Variants in ABLIM1 observed in about 807,000 individuals in gnomAD.
ABLIM1 encodes the protein actin-binding LIM protein 1.
ABLIM1 carries 40 observed loss-of-function variants against 107.0 expected under a neutral mutation model. That is an observed-to-expected ratio of 0.37 (90% CI 0.29 to 0.49). The LOEUF (loss-of-function observed/expected upper bound fraction) is 0.49. Ranked by LOEUF, ABLIM1 falls within the 20% of genes least tolerant of loss-of-function variation. The pLI, the probability that ABLIM1 is intolerant of heterozygous loss-of-function variation, is 0.97. For synonymous variants in ABLIM1, 357 were observed against 357.3 expected, an observed-to-expected ratio of 1.00 and a Z score of 0.01; for missense variants, 857 against 1,008.5, an observed-to-expected ratio of 0.85 and a Z score of 2.04.
intron 1 of ABLIM1, among the ~76,000 whole-genome samples, chr10:114,738,511 C>T (rs934667426): frequency 1.3e-5 from 2 of 152,192 alleles, no homozygotes; most frequent in Non-Finnish European, 2.9e-5. Context: ...GCACTTTATA[C>T]TCTCTAGTCA....
At chr10:114,563,576 T>C (rs1206522937) in intron 4 of ABLIM1, among the ~76,000 whole-genome samples, 1 of 152,096 alleles carries the variant, frequency 6.6e-6, no homozygotes, top group Non-Finnish European at 1.5e-5. Flanking sequence ...GGCTAATGCC[T>C]GTAATCCCAG....
rs138278963 is a variant in ABLIM1, at chr10:114,710,019, T to TAC, written c.-213+58040_-213+58041dup. 8.3e-3 allele frequency among the ~76,000 whole-genome samples: 1,270 copies of TAC among 152,296 alleles called. 12 individuals carry two copies. The highest frequency in any genetic ancestry group is 0.022 in the African/African-American group (895 of 41,562). On this transcript the variant is annotated intron_variant, in intron 1 of 15. Coordinates refer to the ABLIM1 transcript ENST00000651092. Reference sequence around the variant, plus strand: ...CACTCCCACCATGTGCACACATGTGTACACACACATATTTACTTGGGCAAG... The same window carrying TAC: ...CACTCCCACCATGTGCACACATGTGTACACACACACATATTTACTTGGGCAAG...
chr10:114,698,878 A>G (rs561059495), intron 1 of ABLIM1, among the ~76,000 whole-genome samples: 1 of 152,318 alleles, frequency 6.6e-6, no homozygotes, highest in Admixed American at 6.5e-5. Context: ...ATTCCCAAAA[A>G]GAAAACTGCA....
intron 2 of ABLIM1, among the ~76,000 whole-genome samples, chr10:114,599,850 C>T (rs1018158533): frequency 6.6e-5 from 10 of 151,672 alleles, no homozygotes; most frequent in Admixed American, 5.9e-4. Flanking sequence ...TATGTGGCTG[C>T]AGTCATTTAT....
chr10:114,500,475 T>A (rs2060240316), intron 6 of ABLIM1, among the ~76,000 whole-genome samples: 1 of 151,266 alleles, frequency 6.6e-6, no homozygotes, highest in African/African-American at 2.4e-5. Flanking sequence ...AGCCCAGGAG[T>A]TTGAGACCAG....
intron 1 of ABLIM1, among the ~76,000 whole-genome samples, chr10:114,766,000 A>C: frequency 6.6e-6 from 1 of 152,200 alleles, no homozygotes; most frequent in East Asian, 1.9e-4. Context: ...TGTGATGTCT[A>C]TTACAATATT....
At chr10:114,563,280 T>C (rs2070063597) in intron 4 of ABLIM1, among the ~76,000 whole-genome samples, 2 of 152,214 alleles carry the variant, frequency 1.3e-5, no homozygotes, top group African/African-American at 4.8e-5. Flanking sequence ...CAATGAATAC[T>C]TAAAATGAGA....
chr10:114,740,720 C>T (rs527923585), intron 1 of ABLIM1, among the ~76,000 whole-genome samples: 2 of 152,126 alleles, frequency 1.3e-5, no homozygotes, highest in African/African-American at 4.8e-5. Flanking sequence ...GCAACTTGGA[C>T]AGAGCCTATA....
rs753389902 is a variant in ABLIM1 at position 114,437,851 on chromosome 10, C to T, written c.2216G>A (p.Arg739Lys). 1.2e-6 allele frequency: 2 copies of T among 1,613,910 alleles called. No homozygotes were observed. Among genetic ancestry groups the T allele is most frequent in the Admixed American group, 1.7e-5 (1 of 60,002 alleles). ...TTTTCGGTTTTGTTTTACCTCCAGC[C>T]TGGTTCTGTCCACCTCTCTGAGGAT... is the stretch of plus-strand genomic sequence containing the variant. ...NKILREVDRT[R>K]LERHLAPEVF... The change falls in exon 22 of 23, where the codon AGG becomes AAG. Residue 739 changes from arginine to lysine, a missense_variant. Transcript: ENST00000533213.
At chr10:114,486,021 C>T (rs985229098) in intron 8 of ABLIM1, among the ~76,000 whole-genome samples, 1 of 152,186 alleles carries the variant, frequency 6.6e-6, no homozygotes, top group African/African-American at 2.4e-5. Context: ...GAGCACTGTC[C>T]TGACCTCCCA....
intron 8 of ABLIM1, among the ~76,000 whole-genome samples, chr10:114,477,569 T>C (rs977786377): frequency 5.3e-5 from 8 of 152,212 alleles, no homozygotes; most frequent in African/African-American, 1.9e-4. Context: ...TGGTTTTATT[T>C]GCTCTTGTAC....
At chr10:114,447,110 G>A (rs2061127370) in intron 15 of ABLIM1, among the ~76,000 whole-genome samples, 1 of 152,182 alleles carries the variant, frequency 6.6e-6, no homozygotes, top group Admixed American at 6.5e-5. Flanking sequence ...AATGTGATAA[G>A]ATCGTGTCTT....
At chr10:114,690,504 A>T in intron 1 of ABLIM1, 1 of 1,508,654 alleles carries the variant, frequency 6.6e-7, no homozygotes, top group Non-Finnish European at 9.2e-7. Context: ...CTTACAACCA[A>T]ATCCTTTCTC....
intron 6 of ABLIM1, among the ~76,000 whole-genome samples, chr10:114,539,481 G>C (rs1466642798): frequency 6.6e-6 from 1 of 152,206 alleles, no homozygotes; most frequent in African/African-American, 2.4e-5. Flanking sequence ...TATGTGCCTA[G>C]AGATGGTTAT....
chr10:114,649,392 A>C (rs972242679), intron 1 of ABLIM1, among the ~76,000 whole-genome samples: 1 of 141,484 alleles, frequency 7.1e-6, no homozygotes, highest in Non-Finnish European at 1.5e-5. Context: ...ACAGAGCAAG[A>C]CTCTGTCAAA....
At chr10:114,616,830 G>A (rs769328477) in intron 1 of ABLIM1, among the ~76,000 whole-genome samples, 3 of 152,198 alleles carry the variant, frequency 2.0e-5, no homozygotes, top group Admixed American at 6.5e-5. Flanking sequence ...GGGTGACCAG[G>A]CGTTGTTTTA....
rs1032532027 is a variant in ABLIM1, at chr10:114,729,996, C to A, written c.-213+38065G>T. On this transcript the variant is annotated intron_variant, in intron 1 of 15. Coordinates refer to the ABLIM1 transcript ENST00000651092. Reference sequence around the variant, plus strand: ...AAAACTCCTTTACTTTTCATACAAACGGTTGTATTTCTTTTCTGAAATAAT... The same window carrying A: ...AAAACTCCTTTACTTTTCATACAAAAGGTTGTATTTCTTTTCTGAAATAAT... Among the ~76,000 whole-genome samples the A allele has an allele frequency of 2.0e-5, 3 of 152,094 alleles. No individual in the cohort carries two copies. In the South Asian group the frequency reaches 6.2e-4, roughly 31 times the overall value.
At chr10:114,723,657 C>A (rs1230200456) in intron 1 of ABLIM1, among the ~76,000 whole-genome samples, 4 of 152,242 alleles carry the variant, frequency 2.6e-5, no homozygotes, top group African/African-American at 7.2e-5. Context: ...GCCCGCCTGA[C>A]ATGCCTACAT....
intron 5 of ABLIM1, chr10:114,547,442 A>G (rs1290973280): frequency 3.3e-6 from 2 of 601,602 alleles, no homozygotes; most frequent in South Asian, 4.6e-5. Flanking sequence ...AAATTAGGCA[A>G]TGATTAACAT....
Sources: gnomAD v4.1 joint callset for allele counts (sites outside exome capture counted in the v4.1 genomes callset) on GRCh38, gnomAD v4.1.1 for gene constraint, MANE v1.5 for transcripts, NCBI Gene and HGNC (gene_info 2026-07-23, HGNC 2026-07-21) for gene names.